Variants in GUCY2C observed in about 807,000 individuals in gnomAD.
The protein encoded by GUCY2C is guanylyl cyclase C.
Under a neutral mutation model 131.1 loss-of-function variants are expected in GUCY2C, and 118 were observed. The ratio of observed to expected loss-of-function variants is 0.90; its 90% CI spans 0.78 to 1.05. The LOEUF is 1.05. GUCY2C is among the 50% of genes least tolerant of loss of function. GUCY2C has a pLI of 0.00. For synonymous variants in GUCY2C, 452 were observed against 457.8 expected, an observed-to-expected ratio of 0.99 and a Z score of 0.16; for missense variants, 1,161 against 1,304.4, an observed-to-expected ratio of 0.89 and a Z score of 1.69.
intron 4 of GUCY2C, 70 bp downstream of exon 4, chr12:14,682,972 A>G (rs879171170): frequency 2.1e-6 from 2 of 973,450 alleles, no homozygotes; most frequent in South Asian, 2.7e-5. Flanking sequence ...GGTAATAACT[A>G]GGTGGCCTGC....
In GUCY2C at chr12:14,643,412, C is replaced by T. The variant is rs143610221; in HGVS notation, c.1930+162G>A. ...ACATTTGTTTAACTCAGGAAATACT[C>T]GTTGACTGACAAGTGTGAAGTTCTG... On this transcript the variant is annotated intron_variant, in intron 17 of 26. Coordinates refer to ENST00000261170, the MANE Select transcript of GUCY2C (RefSeq NM_004963.4). 5.1e-4 allele frequency among the ~76,000 whole-genome samples: 78 copies of T among 152,210 alleles called. 1 individual carries two copies. Among genetic ancestry groups the T allele is most frequent in the Non-Finnish European group, 8.5e-4 (58 of 68,026 alleles).
At position 14,613,137 on chromosome 12, in the gene GUCY2C, T is replaced by G; in HGVS notation, c.3202A>C (p.Lys1068Gln). ...TAGGTTTAAAAATAGGTGCTCTCCT[T>G]GTCTGTGGTATTCAGCTGCAAGTAT... ...LEYLQLNTTD[K>Q]ESTYF is the part of the protein sequence containing the mutation. Residue 1068 changes from lysine to glutamine, a missense_variant, in exon 27 of 27, where the codon AAG becomes CAG. Lys to Gln is a moderately conservative substitution (Grantham distance 53, BLOSUM62 1). Transcript: ENST00000261170. This position sits in a 1 kb window ranked among gnomAD's most constrained non-coding sequence, Gnocchi z 4.9. 6.2e-7 allele frequency: 1 copy of G among 1,613,428 alleles called. No homozygotes were observed. Among genetic ancestry groups the G allele is most frequent in the Non-Finnish European group, 8.5e-7 (1 of 1,179,504 alleles).
intron 19 of GUCY2C, among the ~76,000 whole-genome samples, chr12:14,637,898 C>CTTCT (rs1947306956): frequency 6.6e-6 from 1 of 152,140 alleles, no homozygotes; most frequent in Non-Finnish European, 1.5e-5. Context: ...GACTAAAAGG[C>CTTCT]TTCTGCACAG....
intron 12 of GUCY2C, among the ~76,000 whole-genome samples, chr12:14,655,050 C>T (rs141513508): frequency 6.5e-4 from 99 of 152,300 alleles, no homozygotes; most frequent in Non-Finnish European, 1.2e-3. Flanking sequence ...CTAGCTGTAA[C>T]CAATCAAGTT....
chr12:14,616,523 T>C (rs1946765659), intron 25 of GUCY2C, 110 bp downstream of exon 25: 1 of 728,000 alleles, frequency 1.4e-6, no homozygotes, highest in South Asian at 1.5e-5. Flanking sequence ...CTCATCGTGA[T>C]GAGTACAGAA....
rs767364118 is a variant in GUCY2C, at chr12:14,652,955, T to G, written c.1530A>C (p.Lys510Asn). ...TCAGAGAAGTGGGAGAGGTCACCTT[T>G]TTGTCGTATTTGCACTGTCGTAGTC... ...IQRLRQCKYD[K>N]KRVILKDLKH... The change falls in exon 13 of 27, where the codon AAA becomes AAC. Residue 510 changes from lysine (K) to asparagine (N), a missense_variant. Lys to Asn is a moderately conservative substitution (Grantham distance 94). Coordinates refer to ENST00000261170, the MANE Select transcript of GUCY2C (RefSeq NM_004963.4). 2.1e-5 allele frequency: 33 copies of G among 1,605,894 alleles called. No homozygotes were observed. Among genetic ancestry groups the G allele is most frequent in the Non-Finnish European group, 2.5e-5 (29 of 1,172,590 alleles).
At position 14,641,239 on chromosome 12, in the gene GUCY2C, G is replaced by T. The variant is rs373751267; in HGVS notation, c.1931-20C>A. On this transcript the variant is annotated intron_variant, in intron 17 of 26. Transcript: ENST00000261170. ...ACAGGTCTGTAAATGTAGACATTGA[G>T]ATTACAAAGTTGAGGGGGGTGAGTG... is the stretch of plus-strand genomic sequence containing the variant. 6.2e-7 allele frequency: 1 copy of T among 1,611,736 alleles called. No homozygotes were observed. The highest frequency in any genetic ancestry group is 1.1e-5 in the South Asian group (1 of 90,994).
rs1169755107 is a variant in GUCY2C at position 14,661,044 on chromosome 12, A to G, written c.1301T>C (p.Ile434Thr). The G allele has an allele frequency of 1.9e-6, 3 of 1,612,216 alleles. No homozygotes were observed. The highest frequency in any genetic ancestry group is 3.3e-5 in the Admixed American group (2 of 60,020). ...ITGRGPQILMIAVFTLTGAVV... is the reference protein window; with the variant it reads ...ITGRGPQILMTAVFTLTGAVV... ...AGCTCCAGTGAGGGTGAAGACTGCAATCATCAGGATCTGAGGGCCTGTGGC... is the reference window on the plus strand; with the variant it reads ...AGCTCCAGTGAGGGTGAAGACTGCAGTCATCAGGATCTGAGGGCCTGTGGC... Residue 434 changes from isoleucine (I) to threonine (T), a missense_variant, in exon 11 of 27, where the codon ATT becomes ACT. Transcript: ENST00000261170.
At position 14,643,587 on chromosome 12, in the gene GUCY2C, T is replaced by TA. The variant is rs775449165; in HGVS notation, c.1916dup (p.Leu639PhefsTer52). 1 of 1,613,804 alleles carries TA rather than the reference T, an allele frequency of 6.2e-7. No individual in the cohort carries two copies. Among genetic ancestry groups the TA allele is most frequent in the South Asian group, 1.1e-5 (1 of 91,066 alleles). On this transcript the variant is annotated frameshift_variant, in exon 17 of 27. Transcript: ENST00000261170. LOFTEE classifies it high-confidence loss of function. Reference sequence around the variant, plus strand: ...TTCATTACAGACCCTTTTTTGGAGGTAAAATGGAATTGCAGCCAAAATCAG... The same window carrying TA: ...TTCATTACAGACCCTTTTTTGGAGGTAAAAATGGAATTGCAGCCAAAATCAG...
At chr12:14,643,014 A>C (rs1947440359) in intron 17 of GUCY2C, among the ~76,000 whole-genome samples, 1 of 152,220 alleles carries the variant, frequency 6.6e-6, no homozygotes, top group Admixed American at 6.5e-5. Context: ...GTTCAACACG[A>C]AAAGCCCTTT....
Position 14,669,753 on chromosome 12 carries a change from G to T in GUCY2C, c.1251C>A (p.Asn417Lys). Residue 417 changes from asparagine to lysine, a missense_variant, in exon 10 of 27, where the codon AAC becomes AAA. Asn to Lys is a moderately conservative substitution (Grantham distance 94). Transcript: ENST00000261170. ...CTGTAATATCATTAGGAAGTTTAGA[G>T]TTCTTCCAAGTGAATGTGGGGCTCA... ...VDMSPTFTWK[N>K]SKLPNDITGR... 2 of 1,597,386 alleles carry T rather than the reference G, an allele frequency of 1.3e-6. No individual in the cohort carries two copies. The highest frequency in any genetic ancestry group is 2.2e-5 in the South Asian group (2 of 90,022).
At chr12:14,668,146 G>C (rs1178339158) in intron 10 of GUCY2C, among the ~76,000 whole-genome samples, 1 of 150,532 alleles carries the variant, frequency 6.6e-6, no homozygotes, top group Non-Finnish European at 1.5e-5. Context: ...TGGGACCACA[G>C]GTATGCACCT....
In GUCY2C at chr12:14,679,762, G is replaced by C; in HGVS notation, c.734-9C>G. On this transcript the variant is annotated splice_polypyrimidine_tract_variant and intron_variant, in intron 5 of 26. Transcript: ENST00000261170. ...ACCACACATAATAATCACTGGAGGA[G>C]AAGGTAAGACAAGGAGAGAAATATA... 6.9e-7 allele frequency: 1 copy of C among 1,438,934 alleles called. No individual in the cohort carries two copies. The highest frequency in any genetic ancestry group is 9.8e-7 in the Non-Finnish European group (1 of 1,020,334). 89.1% of individuals were successfully genotyped at this position (1,438,934 alleles called of 1,614,324 possible).
chr12:14,621,945 G>A, intron 22 of GUCY2C, 60 bp downstream of exon 22: 1 of 1,178,962 alleles, frequency 8.5e-7, no homozygotes, highest in Non-Finnish European at 1.2e-6. Context: ...AACCAATTCA[G>A]GCTCTGATGA....
intron 19 of GUCY2C, among the ~76,000 whole-genome samples, chr12:14,630,653 A>C (rs1049480443): frequency 6.6e-6 from 1 of 152,178 alleles, no homozygotes; most frequent in African/African-American, 2.4e-5. Flanking sequence ...TTTATATCAG[A>C]TCCTTGAGCC....
At chr12:14,634,430 A>G (rs1393448280) in intron 19 of GUCY2C, among the ~76,000 whole-genome samples, 2 of 152,224 alleles carry the variant, frequency 1.3e-5, no homozygotes, top group African/African-American at 2.4e-5. Flanking sequence ...TACCACCATG[A>G]AAACACATGA....
Position 14,674,096 on chromosome 12 carries a change from G to A in GUCY2C, c.1084+529C>T, listed in dbSNP as rs1403800485. On this transcript the variant is annotated intron_variant, in intron 8 of 26. Transcript: ENST00000261170. ...AGAGGAAAATTTCTTCATAGTCTCAGGATGAGATCTGGGAAACGAAAGATG... is the reference window on the plus strand; with the variant it reads ...AGAGGAAAATTTCTTCATAGTCTCAAGATGAGATCTGGGAAACGAAAGATG... Among the ~76,000 whole-genome samples, 3 of 152,274 alleles carry A rather than the reference G, an allele frequency of 2.0e-5. No homozygotes were observed. The East Asian group carries it at 5.8e-4, about 29-fold the overall frequency.
chr12:14,688,411 GTTCACTGACCTC>G (rs1948515208), intron 1 of GUCY2C, among the ~76,000 whole-genome samples: 1 of 152,136 alleles, frequency 6.6e-6, no homozygotes, highest in African/African-American at 2.4e-5. Flanking sequence ...TTTTCATTGT[GTTCACTGACCTC>G]TTCATCTTTT....
chr12:14,688,629 C>T (rs1264667810), intron 1 of GUCY2C, among the ~76,000 whole-genome samples: 1 of 152,214 alleles, frequency 6.6e-6, no homozygotes, highest in African/African-American at 2.4e-5. Context: ...CTGCTATGTG[C>T]CAGGCGCTCT....
Sources: allele counts gnomAD v4.1 joint callset (sites outside exome capture counted in the v4.1 genomes callset), GRCh38; gene constraint gnomAD v4.1.1; non-coding constraint Gnocchi (gnomAD v3.1); transcripts MANE v1.5; gene names NCBI Gene and HGNC (gene_info 2026-07-23, HGNC 2026-07-21).